The following ZNF624 variants were observed in gnomAD, a reference collection of about 807,000 sequenced individuals.
ZNF624 encodes the protein zinc finger protein 624.
A neutral mutation model predicts 74.7 loss-of-function variants in ZNF624; 43 were observed. The ratio of observed to expected loss-of-function variants is 0.58; its 90% CI spans 0.45 to 0.74. The LOEUF (loss-of-function observed/expected upper bound fraction) is 0.74. Ranked by LOEUF, ZNF624 falls within the 30% of genes least tolerant of loss-of-function variation. The pLI is 0.00. For synonymous variants in ZNF624, 331 were observed against 341.3 expected (o/e 0.97, Z 0.33); for missense variants, 820 against 1,030.0 (o/e 0.80, Z 2.79).
downstream of ZNF624, among the ~76,000 whole-genome samples, chr17:16,618,380 G>A (rs958984687): frequency 2.0e-5 from 3 of 151,794 alleles, no homozygotes; most frequent in African/African-American, 7.3e-5. Flanking sequence ...AAATGTTTTG[G>A]AATACTCATA....
chr17:16,628,774 A>AT (rs1909133789), intron 5 of ZNF624, among the ~76,000 whole-genome samples: 4 of 150,712 alleles, frequency 2.7e-5, no homozygotes, highest in Admixed American at 2.6e-4. Flanking sequence ...TCCACAAGAG[A>AT]TAAAAAAAAA....
At chr17:16,642,558 A>C (rs1053146311) in intron 3 of ZNF624, among the ~76,000 whole-genome samples, 1 of 152,176 alleles carries the variant, frequency 6.6e-6, no homozygotes, top group African/African-American at 2.4e-5. Context: ...CTAAACTATA[A>C]AACTGTTAGA....
intron 5 of ZNF624, among the ~76,000 whole-genome samples, chr17:16,630,163 C>G (rs1344273075): frequency 6.6e-6 from 1 of 151,954 alleles, no homozygotes; most frequent in African/African-American, 2.4e-5. Flanking sequence ...TAAATGATAC[C>G]TTTGAAATGT....
chr17:16,617,944 C>G (rs1390698818), downstream of ZNF624: 11 of 1,073,406 alleles, frequency 1.0e-5, no homozygotes, highest in African/African-American at 1.6e-5. Flanking sequence ...CCAGTAGCCG[C>G]GGTGCGGGTG....
At chr17:16,629,349 G>A (rs978992462) in intron 5 of ZNF624, among the ~76,000 whole-genome samples, 4 of 150,216 alleles carry the variant, frequency 2.7e-5, no homozygotes, top group Non-Finnish European at 4.4e-5. Flanking sequence ...GTAGAGATGG[G>A]GTTTTGCCAT....
chr17:16,649,627 A>C (rs1909671205), intron 2 of ZNF624, 31 bp downstream of exon 2: 1 of 1,595,974 alleles, frequency 6.3e-7, no homozygotes, highest in Non-Finnish European at 8.6e-7. Flanking sequence ...AAACCAAGAT[A>C]GTAGGTCAAA....
intron 2 of ZNF624, among the ~76,000 whole-genome samples, chr17:16,648,132 CAG>C (rs1476544887): frequency 2.0e-5 from 3 of 151,238 alleles, no homozygotes; most frequent in Non-Finnish European, 4.4e-5. Context: ...TTTGTGGAGA[CAG>C]AGTTTCACCA....
At position 16,630,085 on chromosome 17, in the gene ZNF624, T is replaced by C. The variant is rs1338533154; in HGVS notation, c.376+3777A>G. Among the ~76,000 whole-genome samples the C allele has an allele frequency of 3.9e-5, 6 of 152,152 alleles. No homozygotes were observed. In the South Asian group the frequency reaches 1.2e-3, roughly 32 times the overall value. ...AACAAAGCCAAAAATATTGCTGCCC[T>C]GCCTTTTATAGAAAAGTTTAGACAG... On this transcript the variant is annotated intron_variant, in intron 5 of 5. Coordinates refer to ENST00000311331, the MANE Select transcript of ZNF624 (RefSeq NM_020787.4).
chr17:16,640,666 A>C (rs1909446140), intron 3 of ZNF624, among the ~76,000 whole-genome samples: 1 of 152,236 alleles, frequency 6.6e-6, no homozygotes. Context: ...AAATTCGTAG[A>C]AAGGCATTAA....
chr17:16,636,003 C>A (rs1206830894), intron 3 of ZNF624, among the ~76,000 whole-genome samples: 3 of 151,982 alleles, frequency 2.0e-5, no homozygotes, highest in Non-Finnish European at 2.9e-5. Flanking sequence ...CTAAAAGGAA[C>A]CAGGGCCTAG....
chr17:16,615,348 C>T, the ZNF624 span, among the ~76,000 whole-genome samples: 1 of 152,148 alleles, frequency 6.6e-6, no homozygotes, highest in Non-Finnish European at 1.5e-5. Flanking sequence ...CTGCCCGCCT[C>T]GGCCTCCCAA....
At chr17:16,618,573 T>C (rs888508939), downstream of ZNF624, among the ~76,000 whole-genome samples, 1 of 152,024 alleles carries the variant, frequency 6.6e-6, no homozygotes, top group African/African-American at 2.4e-5. Flanking sequence ...AAGAACAAAA[T>C]TAGAAAACAT....
intron 3 of ZNF624, among the ~76,000 whole-genome samples, chr17:16,637,093 C>A (rs991164806): frequency 6.6e-6 from 1 of 152,068 alleles, no homozygotes; most frequent in Non-Finnish European, 1.5e-5. Flanking sequence ...AAACAGAGAA[C>A]CAAATCATGA....
At chr17:16,630,336 C>A (rs1909176205) in intron 5 of ZNF624, among the ~76,000 whole-genome samples, 1 of 151,984 alleles carries the variant, frequency 6.6e-6, no homozygotes, top group African/African-American at 2.4e-5. Context: ...GTGGGTGGAT[C>A]ACCTGAGATC....
chr17:16,637,332 C>T (rs373811552), intron 3 of ZNF624, among the ~76,000 whole-genome samples: 8 of 152,336 alleles, frequency 5.3e-5, no homozygotes, highest in African/African-American at 1.7e-4. Context: ...CATCAAGCTA[C>T]CAATGACTTT....
chr17:16,640,334 A>C (rs189220449), intron 3 of ZNF624, among the ~76,000 whole-genome samples: 20 of 152,262 alleles, frequency 1.3e-4, no homozygotes, highest in African/African-American at 4.8e-4. Flanking sequence ...TCAGTAACCT[A>C]AATTTATACC....
chr17:16,622,035 A>G lies in ZNF624; in HGVS notation c.*253T>C, dbSNP rs1908926507. 1 of 280,324 alleles carries G rather than the reference A, an allele frequency of 3.6e-6. No individual in the cohort carries two copies. The highest frequency in any genetic ancestry group is 2.2e-5 in the African/African-American group (1 of 45,744). 17.4% of individuals were successfully genotyped at this position (280,324 alleles called of 1,614,324 possible). A position where few individuals can be genotyped will look rare whatever the true frequency, so the allele number is the denominator to read the frequency against. ...CAAATACATATATAGGCAATTAACT[A>G]AAGATAATTTGTTAAATGAGTAAAG... On this transcript the variant is annotated 3_prime_UTR_variant, in exon 6 of 6. Coordinates refer to ENST00000311331, the MANE Select transcript of ZNF624 (RefSeq NM_020787.4).
rs200061451 is a variant in ZNF624 at position 16,623,357 on chromosome 17, T to C, written c.1529A>G (p.Asn510Ser). 6.2e-6 allele frequency: 10 copies of C among 1,613,456 alleles called. No homozygotes were observed. Among genetic ancestry groups the C allele is most frequent in the African/African-American group, 1.3e-5 (1 of 74,958 alleles). ...YECNECGKAF[N>S]RIANFTEHQR... ...ATGTTCTGTGAAATTTGCGATGCGGTTGAATGCTTTCCCACATTCATTACA... is the reference window on the plus strand; with the variant it reads ...ATGTTCTGTGAAATTTGCGATGCGGCTGAATGCTTTCCCACATTCATTACA... Residue 510 changes from asparagine (N) to serine (S), a missense_variant, in exon 6 of 6, where the codon AAC (asparagine) becomes AGC (serine). Physicochemically the swap from Asn to Ser is conservative, Grantham distance 46. Coordinates refer to ENST00000311331, the MANE Select transcript of ZNF624 (RefSeq NM_020787.4). This position sits in a 1 kb window ranked among gnomAD's most constrained non-coding sequence, Gnocchi z 5.3.
intron 3 of ZNF624, among the ~76,000 whole-genome samples, chr17:16,641,165 ACT>A (rs1345684803): frequency 7.2e-5 from 11 of 152,190 alleles, no homozygotes; most frequent in African/African-American, 1.9e-4. Context: ...CCTGATAAAG[ACT>A]CTCTATGAAA....
Sources: allele counts gnomAD v4.1 joint callset (sites outside exome capture counted in the v4.1 genomes callset), GRCh38; gene constraint gnomAD v4.1.1; non-coding constraint Gnocchi (gnomAD v3.1); transcripts MANE v1.5; gene names NCBI Gene and HGNC (gene_info 2026-07-23, HGNC 2026-07-21).